Variants in MCC observed in about 807,000 individuals in gnomAD.
MCC encodes MCC regulator of Wnt signaling pathway.
A neutral mutation model predicts 116.2 loss-of-function variants in MCC; 90 were observed. The observed-to-expected ratio is 0.77, with a 90% confidence interval of 0.65 to 0.92. MCC has a LOEUF of 0.92. Among genes scored for constraint, MCC ranks in the 40% least tolerant of loss-of-function variants. The probability of loss-of-function intolerance (pLI) is 0.00; values close to 1 mark genes in which losing one functional copy is unlikely to be tolerated. For missense variants in MCC, 1,516 were observed against 1,312.2 expected, an observed-to-expected ratio of 1.16 and a Z score of -2.40; for synonymous variants, 578 against 510.5, an observed-to-expected ratio of 1.13 and a Z score of -1.78.
rs375849696 is a variant in MCC, at chr5:113,043,260, A to G, written c.2756+270T>C. Among the ~76,000 whole-genome samples the G allele has an allele frequency of 2.6e-5, 4 of 152,360 alleles. No homozygotes were observed. In the East Asian group the frequency reaches 5.8e-4, roughly 22 times the overall value. ...ACACTGTCCCGGAAGTTTCTAGCCA[A>G]TGCAACAACATAACAGAAAAGGAAA... On this transcript the variant is annotated intron_variant, in intron 17 of 18. Transcript: ENST00000408903.
intron 2 of MCC, among the ~76,000 whole-genome samples, chr5:113,376,101 T>G (rs1178881866): frequency 1.3e-5 from 2 of 152,194 alleles, no homozygotes; most frequent in Non-Finnish European, 2.9e-5. Flanking sequence ...AAAATTAACC[T>G]TGGTAATATT....
chr5:113,398,489 C>A (rs1362585744), intron 1 of MCC, among the ~76,000 whole-genome samples: 1 of 152,164 alleles, frequency 6.6e-6, no homozygotes, highest in Non-Finnish European at 1.5e-5. Context: ...CATGGAATAC[C>A]ATGCAGCCAT....
chr5:113,186,297 T>A (rs1343386560), intron 3 of MCC, among the ~76,000 whole-genome samples: 1 of 152,172 alleles, frequency 6.6e-6, no homozygotes, highest in Non-Finnish European at 1.5e-5. Flanking sequence ...TAAGTGCAGC[T>A]CCAGGGGCTA....
intron 3 of MCC, among the ~76,000 whole-genome samples, chr5:113,233,656 C>G (rs1421661528): frequency 6.6e-6 from 1 of 152,166 alleles, no homozygotes; most frequent in Non-Finnish European, 1.5e-5. Flanking sequence ...CTTTGTCTCC[C>G]TCCACCCCAA....
At chr5:113,252,633 T>C (rs986253560) in intron 3 of MCC, among the ~76,000 whole-genome samples, 3 of 152,190 alleles carry the variant, frequency 2.0e-5, no homozygotes, top group Non-Finnish European at 2.9e-5. Flanking sequence ...GCACAATAAA[T>C]GTAATGCACT....
rs150578641 is a variant in MCC at position 113,301,706 on chromosome 5, C to A, written c.627+38813G>T. On this transcript the variant is annotated intron_variant, in intron 3 of 18. Coordinates refer to ENST00000408903, the MANE Select transcript of MCC (RefSeq NM_001085377.2). ...AGGCAAAAAGTGAGGGAAGGGTGGA[C>A]AGGCAGAGGGAACAGTAAGGGCAAA... 2.9e-3 allele frequency among the ~76,000 whole-genome samples: 446 copies of A among 152,222 alleles called. 1 individual carries two copies. The highest frequency in any genetic ancestry group is 0.01 in the African/African-American group (424 of 41,536).
intron 3 of MCC, among the ~76,000 whole-genome samples, chr5:113,252,590 T>C (rs1323897863): frequency 6.6e-6 from 1 of 152,070 alleles, no homozygotes; most frequent in South Asian, 2.1e-4. Flanking sequence ...TATTTCATTA[T>C]ATATTACAAT....
At chr5:113,425,995 C>G (rs1770472393) in intron 1 of MCC, among the ~76,000 whole-genome samples, 1 of 151,998 alleles carries the variant, frequency 6.6e-6, no homozygotes, top group Non-Finnish European at 1.5e-5. Flanking sequence ...GGCAGAAGCT[C>G]AAAGAGAATT....
chr5:113,294,602 G>A, intron 3 of MCC: 1 of 1,191,592 alleles, frequency 8.4e-7, no homozygotes, highest in Non-Finnish European at 1.0e-6. Flanking sequence ...ATTGCTGCAG[G>A]AGGCTCGGTG....
At chr5:113,088,575 G>A (rs1188112441) in intron 8 of MCC, among the ~76,000 whole-genome samples, 2 of 151,846 alleles carry the variant, frequency 1.3e-5, no homozygotes, top group African/African-American at 4.8e-5. Context: ...TAACAGAAAA[G>A]GAAGGGATAT....
At chr5:113,333,553 T>A (rs1767751502) in intron 3 of MCC, among the ~76,000 whole-genome samples, 1 of 150,994 alleles carries the variant, frequency 6.6e-6, no homozygotes, top group African/African-American at 2.5e-5. Context: ...AAATTAAGTC[T>A]TAAAATGGGC....
At chr5:113,227,384 A>G (rs2150332398) in intron 3 of MCC, among the ~76,000 whole-genome samples, 1 of 152,344 alleles carries the variant, frequency 6.6e-6, no homozygotes, top group South Asian at 2.1e-4. Flanking sequence ...GTATATAGCC[A>G]TACCTTAGAT....
chr5:113,413,881 T>A (rs1328452366), intron 1 of MCC, among the ~76,000 whole-genome samples: 2 of 152,208 alleles, frequency 1.3e-5, no homozygotes, highest in Non-Finnish European at 2.9e-5. Context: ...CAATTTTAGA[T>A]CTTTCCTGCT....
intron 1 of MCC, among the ~76,000 whole-genome samples, chr5:113,456,056 C>A (rs1771536964): frequency 6.6e-6 from 1 of 152,098 alleles, no homozygotes; most frequent in Admixed American, 6.6e-5. Context: ...ATATATGTGA[C>A]ACATATGTAG....
In MCC at chr5:113,228,101, T is replaced by C. The variant is rs530857455; in HGVS notation, c.628-76679A>G. On this transcript the variant is annotated intron_variant, in intron 3 of 18. Transcript: ENST00000408903. ...AGAATTTGCCTACTTAAGTAGGTGT[T>C]GAATGAACAAATTTGCTTCTAAGAC... 2.2e-4 allele frequency among the ~76,000 whole-genome samples: 33 copies of C among 152,370 alleles called. No individual in the cohort carries two copies. The South Asian group carries it at 4.1e-3, about 19-fold the overall frequency.
intron 2 of MCC, among the ~76,000 whole-genome samples, chr5:113,345,002 T>C (rs1381859501): frequency 6.6e-6 from 1 of 152,058 alleles, no homozygotes; most frequent in Non-Finnish European, 1.5e-5. Context: ...ACAGCATTTC[T>C]GGACCTGCCC....
chr5:113,459,857 C>CACACACACACACACAG (rs1222829520), intron 1 of MCC, among the ~76,000 whole-genome samples: 1 of 146,532 alleles, frequency 6.8e-6, no homozygotes, highest in African/African-American at 2.5e-5. Flanking sequence ...CACACACACA[C>CACACACACACACACAG]AGGCATGCAT....
intron 17 of MCC, among the ~76,000 whole-genome samples, chr5:113,039,185 G>A (rs1263913515): frequency 6.6e-6 from 1 of 152,168 alleles, no homozygotes; most frequent in Non-Finnish European, 1.5e-5. Context: ...CAGCACTGAG[G>A]AAGCACAGAT....
At chr5:113,177,285 G>T (rs1410881265) in intron 3 of MCC, among the ~76,000 whole-genome samples, 2 of 152,186 alleles carry the variant, frequency 1.3e-5, no homozygotes, top group Non-Finnish European at 2.9e-5. Flanking sequence ...GTTTCCAACA[G>T]CTAGCACTGT....
Sources: allele counts gnomAD v4.1 joint callset (sites outside exome capture counted in the v4.1 genomes callset), GRCh38; gene constraint gnomAD v4.1.1; transcripts MANE v1.5; gene names NCBI Gene and HGNC (gene_info 2026-07-23, HGNC 2026-07-21).